Variants in NELL1 observed in about 807,000 individuals in gnomAD.
The protein encoded by NELL1 is neural EGFL like 1.
Under a neutral mutation model 107.4 loss-of-function variants are expected in NELL1, and 76 were observed. The ratio of observed to expected loss-of-function variants is 0.71; its 90% confidence interval spans 0.59 to 0.86. The LOEUF is 0.86. Among genes scored for constraint, NELL1 ranks in the 40% least tolerant of loss-of-function variants. The pLI, the probability that NELL1 is intolerant of heterozygous loss-of-function variation, is 0.00. For synonymous variants in NELL1, 353 were observed against 341.2 expected, an observed-to-expected ratio of 1.03 and a Z score of -0.38; for missense variants, 1,024 against 1,005.5, an observed-to-expected ratio of 1.02 and a Z score of -0.25.
At chr11:21,401,519 C>T (rs184681173) in intron 15 of NELL1, among the ~76,000 whole-genome samples, 1 of 150,388 alleles carries the variant, frequency 6.6e-6, no homozygotes, top group African/African-American at 2.5e-5. Flanking sequence ...AACACGTTTC[C>T]TGTAGTGACA....
At chr11:20,748,652 C>A (rs1019718684) in intron 2 of NELL1, among the ~76,000 whole-genome samples, 2 of 152,114 alleles carry the variant, frequency 1.3e-5, no homozygotes, top group African/African-American at 4.8e-5. Context: ...AGTAAGAACT[C>A]ATGGTATTTT....
chr11:20,722,019 CTT>C (rs34558225), intron 2 of NELL1, among the ~76,000 whole-genome samples: 8 of 26,002 alleles, frequency 3.1e-4, no homozygotes, highest in Admixed American at 7.1e-4. Context: ...CTGAGTCTCT[CTT>C]TTTTTTTTTT....
chr11:21,228,178 T>C (rs1857943103), intron 13 of NELL1, among the ~76,000 whole-genome samples: 2 of 152,224 alleles, frequency 1.3e-5, no homozygotes, highest in Admixed American at 6.5e-5. Flanking sequence ...ATAAAGGATA[T>C]AAACTTTGCC....
At chr11:20,923,815 T>C (rs1427250204) in intron 7 of NELL1, among the ~76,000 whole-genome samples, 1 of 152,240 alleles carries the variant, frequency 6.6e-6, no homozygotes. Flanking sequence ...TCAATAATGA[T>C]TTTTTGATTA....
At chr11:21,043,677 A>G (rs1023243662) in intron 12 of NELL1, among the ~76,000 whole-genome samples, 1 of 152,156 alleles carries the variant, frequency 6.6e-6, no homozygotes, top group Admixed American at 6.6e-5. Context: ...AATGCCAGGG[A>G]AGCTTCTCCA....
intron 12 of NELL1, among the ~76,000 whole-genome samples, chr11:21,080,694 AAAT>A (rs1312683619): frequency 6.6e-6 from 1 of 152,108 alleles, no homozygotes; most frequent in Non-Finnish European, 1.5e-5. Context: ...ATCTGTAGAA[AAAT>A]AATCTTGTAA....
intron 3 of NELL1, among the ~76,000 whole-genome samples, chr11:20,822,405 A>C (rs1857776319): frequency 6.6e-6 from 1 of 152,234 alleles, no homozygotes; most frequent in Non-Finnish European, 1.5e-5. Flanking sequence ...AGGGCTTGAT[A>C]TAGCATAAAT....
chr11:21,568,650 T>A (rs1397756466), intron 17 of NELL1, among the ~76,000 whole-genome samples: 1 of 151,728 alleles, frequency 6.6e-6, no homozygotes, highest in African/African-American at 2.4e-5. Flanking sequence ...ATTAAACATT[T>A]TTTTCAAACC....
At chr11:20,929,212 A>G (rs1045588560) in intron 9 of NELL1, among the ~76,000 whole-genome samples, 6 of 152,170 alleles carry the variant, frequency 3.9e-5, no homozygotes, top group Non-Finnish European at 8.8e-5. Context: ...TCTACAGAAA[A>G]GGAGAGTTCT....
At chr11:20,900,235 A>T (rs1366999) in intron 5 of NELL1, among the ~76,000 whole-genome samples, 36,519 of 152,018 alleles carry the variant, frequency 0.24, 5,378 homozygotes, top group African/African-American at 0.38. Context: ...AGTTTACATG[A>T]TCATGGAATA....
intron 14 of NELL1, among the ~76,000 whole-genome samples, chr11:21,237,247 G>A (rs1248727584): frequency 6.6e-6 from 1 of 152,008 alleles, no homozygotes; most frequent in Non-Finnish European, 1.5e-5. Flanking sequence ...TGTTATCAAG[G>A]TAGAAAGAAA....
chr11:21,390,583 T>C (rs1372579558), intron 15 of NELL1, among the ~76,000 whole-genome samples: 4 of 151,512 alleles, frequency 2.6e-5, no homozygotes, highest in African/African-American at 9.7e-5. Flanking sequence ...TTCTGTATAT[T>C]AGATCAGTAT....
At chr11:21,179,549 C>T (rs767163933) in intron 13 of NELL1, among the ~76,000 whole-genome samples, 5 of 151,800 alleles carry the variant, frequency 3.3e-5, no homozygotes, top group African/African-American at 4.9e-5. Context: ...GCAAGACAAG[C>T]GCCAAAATAT....
chr11:21,259,158 A>G (rs1476365080), intron 14 of NELL1, among the ~76,000 whole-genome samples: 2 of 151,978 alleles, frequency 1.3e-5, no homozygotes, highest in Non-Finnish European at 2.9e-5. Flanking sequence ...CATTTATTGT[A>G]TAAGAAATAC....
chr11:20,713,263 G>A (rs900489043), intron 2 of NELL1, among the ~76,000 whole-genome samples: 1 of 152,112 alleles, frequency 6.6e-6, no homozygotes, highest in Non-Finnish European at 1.5e-5. Context: ...TACCAGGGTT[G>A]GTAGAGAAAT....
chr11:21,395,210 G>A (rs925416095), intron 15 of NELL1, among the ~76,000 whole-genome samples: 3 of 151,512 alleles, frequency 2.0e-5, no homozygotes, highest in Non-Finnish European at 4.4e-5. Flanking sequence ...ACTGAGAAGA[G>A]CTGCCTGGGG....
At chr11:21,417,466 AG>A (rs1470754144) in intron 15 of NELL1, among the ~76,000 whole-genome samples, 1 of 151,924 alleles carries the variant, frequency 6.6e-6, no homozygotes, top group Non-Finnish European at 1.5e-5. Flanking sequence ...TCATCGTTTA[AG>A]GGGTTTCCAG....
At chr11:21,003,477 A>G (rs911971283) in intron 12 of NELL1, among the ~76,000 whole-genome samples, 3 of 152,202 alleles carry the variant, frequency 2.0e-5, no homozygotes, top group African/African-American at 4.8e-5. Flanking sequence ...CAGAAGTATT[A>G]GAGGTCATCT....
rs72943124 is a variant in NELL1, at chr11:20,985,942, G to T, written c.1300+25382G>T. ...GCTAGGCTACTGCTGTCACTGTCTT[G>T]TGAGGCTTTACTAATGGACTTCACC... On this transcript the variant is annotated intron_variant, in intron 12 of 19. Transcript: ENST00000357134. 3.5e-3 allele frequency among the ~76,000 whole-genome samples: 540 copies of T among 152,316 alleles called. 5 individuals carry two copies. Among genetic ancestry groups the T allele is most frequent in the Admixed American group, 7.3e-3 (112 of 15,298 alleles).
Sources: allele counts gnomAD v4.1 joint callset (sites outside exome capture counted in the v4.1 genomes callset), GRCh38; gene constraint gnomAD v4.1.1; transcripts MANE v1.5; gene names NCBI Gene and HGNC (gene_info 2026-07-23, HGNC 2026-07-21).